FHOD3: variants seen among roughly 807,000 people sequenced by gnomAD.
FHOD3 encodes the protein formin homology 2 domain containing 3.
In FHOD3, 90 loss-of-function variants were observed where a neutral mutation model predicts 173.0. The ratio of observed to expected loss-of-function variants is 0.52; its 90% CI spans 0.44 to 0.62. FHOD3 has a LOEUF of 0.62. FHOD3 is among the 20% of genes least tolerant of loss of function. The pLI, the probability that FHOD3 is intolerant of heterozygous loss-of-function variation, is 0.00. For missense variants in FHOD3, 1,945 were observed against 2,034.7 expected, an observed-to-expected ratio of 0.96 and a Z score of 0.85; for synonymous variants, 828 against 823.0, an observed-to-expected ratio of 1.01 and a Z score of -0.10.
intron 3 of FHOD3, among the ~76,000 whole-genome samples, chr18:36,403,681 A>T (rs762176675): frequency 3.3e-5 from 5 of 152,266 alleles, no homozygotes; most frequent in African/African-American, 4.8e-5. Flanking sequence ...GGATTCCATT[A>T]GGAATTGTTC....
chr18:36,665,819 A>T (rs765280302), intron 14 of FHOD3, among the ~76,000 whole-genome samples: 3 of 152,236 alleles, frequency 2.0e-5, no homozygotes, highest in Admixed American at 6.5e-5. Flanking sequence ...GCCACGTAAC[A>T]CAGGAGATGC....
chr18:36,473,002 G>A (rs984622853), intron 3 of FHOD3, among the ~76,000 whole-genome samples: 2 of 152,192 alleles, frequency 1.3e-5, no homozygotes, highest in Non-Finnish European at 2.9e-5. Flanking sequence ...CCTTTGACAT[G>A]ACCAAAGCCC....
At chr18:36,655,787 G>C (rs923786492) in intron 13 of FHOD3, among the ~76,000 whole-genome samples, 2 of 152,064 alleles carry the variant, frequency 1.3e-5, no homozygotes, top group Middle Eastern at 6.8e-3. Flanking sequence ...ATGCTGAATA[G>C]TGAGTTGTAT....
At chr18:36,630,939 C>CT (rs899583318) in intron 10 of FHOD3, among the ~76,000 whole-genome samples, 12 of 152,142 alleles carry the variant, frequency 7.9e-5, no homozygotes, top group African/African-American at 2.9e-4. Flanking sequence ...GAGTTGTAGC[C>CT]AAGCCTTGAG....
rs1003038460 is a variant in FHOD3 at position 36,556,497 on chromosome 18, A to T, written c.512-19954A>T. Reference sequence around the variant, plus strand: ...AGAGAACCAATCCCCCAAGGATACTAGACACAACTGTTTTTATCTTTAACT... The same window carrying T: ...AGAGAACCAATCCCCCAAGGATACTTGACACAACTGTTTTTATCTTTAACT... On this transcript the variant is annotated intron_variant, in intron 5 of 28. Transcript: ENST00000590592. Among the ~76,000 whole-genome samples the T allele has an allele frequency of 2.0e-4, 30 of 152,210 alleles. 1 individual carries two copies. The highest frequency in any genetic ancestry group is 7.2e-4 in the African/African-American group (30 of 41,448).
At chr18:36,674,225 G>A (rs992414132) in intron 14 of FHOD3, among the ~76,000 whole-genome samples, 2 of 152,082 alleles carry the variant, frequency 1.3e-5, no homozygotes, top group African/African-American at 2.4e-5. Context: ...CCTGACTTAC[G>A]ATGCACCTGT....
intron 16 of FHOD3, 26 bp from the exon 17 acceptor site, chr18:36,693,183 G>A (rs1295174314): frequency 6.2e-7 from 1 of 1,601,478 alleles, no homozygotes. Flanking sequence ...TCGTTTGACG[G>A]AAACCCTTTG....
intron 3 of FHOD3, among the ~76,000 whole-genome samples, chr18:36,428,543 G>C (rs564764219): frequency 5.3e-4 from 80 of 152,192 alleles, no homozygotes; most frequent in Middle Eastern, 3.2e-3. Flanking sequence ...AGGCTTCTGA[G>C]GGTGGGGCTG....
rs557742756 is a variant in FHOD3, at chr18:36,600,119, A to C, written c.719-2555A>C. Among the ~76,000 whole-genome samples the C allele has an allele frequency of 2.6e-5, 4 of 152,246 alleles. No homozygotes were observed. In the South Asian group the frequency reaches 8.3e-4, roughly 32 times the overall value. The stretch of plus-strand genomic sequence containing the variant: ...TGTAAGGTAGGTACAGTCATCCCAG[A>C]GGCCTTAGGAGCTCCAGATGAGCTT... On this transcript the variant is annotated intron_variant, in intron 7 of 28. Transcript: ENST00000590592.
intron 5 of FHOD3, among the ~76,000 whole-genome samples, chr18:36,531,336 G>A (rs2056770906): frequency 6.6e-6 from 1 of 152,178 alleles, no homozygotes. Context: ...CCCGAGGGAT[G>A]CTCTTCTTTC....
At chr18:36,774,856 G>T (rs769749815) in intron 28 of FHOD3, among the ~76,000 whole-genome samples, 1 of 152,180 alleles carries the variant, frequency 6.6e-6, no homozygotes, top group Non-Finnish European at 1.5e-5. Flanking sequence ...TAGCCCTCAT[G>T]TCTGCTTAGT....
chr18:36,721,377 A>T (rs2040780909), intron 19 of FHOD3, among the ~76,000 whole-genome samples: 1 of 152,238 alleles, frequency 6.6e-6, no homozygotes, highest in Admixed American at 6.5e-5. Context: ...TGGGTGGCTC[A>T]TTCTGGTAAT....
intron 5 of FHOD3, among the ~76,000 whole-genome samples, chr18:36,525,040 G>T (rs535449177): frequency 6.6e-6 from 1 of 152,150 alleles, no homozygotes; most frequent in Non-Finnish European, 1.5e-5. Context: ...TTCTAAGGTG[G>T]CCCAGAAGAT....
intron 5 of FHOD3, among the ~76,000 whole-genome samples, chr18:36,568,717 G>A (rs2058358839): frequency 6.6e-6 from 1 of 152,150 alleles, no homozygotes; most frequent in Non-Finnish European, 1.5e-5. Flanking sequence ...CAGGTTAATT[G>A]CCTGCTTAAA....
At chr18:36,346,156 A>G (rs1033234986) in intron 1 of FHOD3, among the ~76,000 whole-genome samples, 2 of 152,206 alleles carry the variant, frequency 1.3e-5, no homozygotes, top group Non-Finnish European at 2.9e-5. Flanking sequence ...GCCTGAACCC[A>G]GGAGTTCAAG....
rs186904000 is a variant in FHOD3 at position 36,506,668 on chromosome 18, A to G, written c.405+4669A>G. On this transcript the variant is annotated intron_variant, in intron 4 of 28. Coordinates refer to ENST00000590592, the MANE Select transcript of FHOD3 (RefSeq NM_001281740.3). ...TGTTTCTGAATCAAGGTGATCTTAT[A>G]TAAGTGATAATGAAGATGATAACAC... Among the ~76,000 whole-genome samples the G allele has an allele frequency of 7.9e-5, 12 of 152,360 alleles. No individual in the cohort carries two copies. In the East Asian group the frequency reaches 1.9e-3, roughly 24 times the overall value.
chr18:36,591,816 G>A (rs1456571201), intron 6 of FHOD3, among the ~76,000 whole-genome samples: 1 of 152,150 alleles, frequency 6.6e-6, no homozygotes, highest in Admixed American at 6.5e-5. Flanking sequence ...CCAGTTACTC[G>A]AGAGGCTGAG....
At chr18:36,568,326 CAAAAAAAAAAAAAAAAAAAAAAAA>C (rs71168234) in intron 5 of FHOD3, among the ~76,000 whole-genome samples, 39 of 24,064 alleles carry the variant, frequency 1.6e-3, no homozygotes, top group African/African-American at 1.9e-3. Flanking sequence ...GACTCTGTCT[CAAAAAAAAAAAAAAAAAAAAAAAA>C]AAAAAAAAAA....
At chr18:36,695,180 TAA>T (rs537635100) in intron 17 of FHOD3, among the ~76,000 whole-genome samples, 5 of 143,964 alleles carry the variant, frequency 3.5e-5, no homozygotes, top group Non-Finnish European at 1.5e-5. Context: ...CGGTCTCTGC[TAA>T]AAAAAAAAAA....
Sources: gnomAD v4.1 joint callset for allele counts (sites outside exome capture counted in the v4.1 genomes callset) on GRCh38, gnomAD v4.1.1 for gene constraint, MANE v1.5 for transcripts, NCBI Gene and HGNC (gene_info 2026-07-23, HGNC 2026-07-21) for gene names.